CX3CR1: variants seen among roughly 807,000 people sequenced by gnomAD.
CX3CR1 encodes CX3C chemokine receptor 1.
For missense variants in CX3CR1, 363 were observed against 432.4 expected (o/e 0.84, Z 1.42); for synonymous variants, 168 against 178.5 (o/e 0.94, Z 0.47).
upstream of CX3CR1, among the ~76,000 whole-genome samples, chr3:39,282,360 C>T (rs961203877): frequency 2.7e-4 from 41 of 152,214 alleles, no homozygotes; most frequent in Non-Finnish European, 3.8e-4. Context: ...CTTAGATCCC[C>T]GTCTTCATCT....
rs140731700 is a variant in CX3CR1, at chr3:39,269,104, G to A, written c.-9-2586C>T. Among the ~76,000 whole-genome samples the A allele has an allele frequency of 4.0e-3, 615 of 151,970 alleles. 7 individuals carry two copies. The highest frequency in any genetic ancestry group is 0.014 in the African/African-American group (582 of 41,414). On this transcript the variant is annotated intron_variant, in intron 1 of 1. Coordinates refer to ENST00000399220, the MANE Select transcript of CX3CR1 (RefSeq NM_001337.4). ...TATTGAGCTTTTACTAAACTGTCAG[G>A]CTCATTGCTCTGTTTGGATTAATAT...
intron 1 of CX3CR1, among the ~76,000 whole-genome samples, chr3:39,273,563 T>C (rs937307322): frequency 6.6e-6 from 1 of 152,222 alleles, no homozygotes; most frequent in African/African-American, 2.4e-5. Flanking sequence ...ATGTATGAAA[T>C]TAAAGCATTG....
chr3:39,286,985 G>T, the CX3CR1 span: 6 of 152,320 alleles, frequency 3.9e-5, no homozygotes, highest in African/African-American at 1.4e-4. Context: ...AACTTAAACA[G>T]TATGAAATTG....
At chr3:39,284,746 A>G (rs2040933191), upstream of CX3CR1, among the ~76,000 whole-genome samples, 1 of 152,212 alleles carries the variant, frequency 6.6e-6, no homozygotes, top group African/African-American at 2.4e-5. Context: ...GGGAGAAAAG[A>G]GCAATGAGTC....
upstream of CX3CR1, among the ~76,000 whole-genome samples, chr3:39,283,028 A>T (rs375878188): frequency 1.5e-3 from 231 of 152,250 alleles, no homozygotes; most frequent in Non-Finnish European, 2.2e-3. Context: ...AGTAGCTGGA[A>T]CTACAGGCAC....
intron 1 of CX3CR1, among the ~76,000 whole-genome samples, chr3:39,270,583 C>A (rs55648049): frequency 0.011 from 1,692 of 152,280 alleles, 24 homozygotes; most frequent in African/African-American, 0.039. Context: ...AGGTGAGGTA[C>A]CATGTACATA....
chr3:39,291,902 C>T, the CX3CR1 span, among the ~76,000 whole-genome samples: 1 of 152,198 alleles, frequency 6.6e-6, no homozygotes. Context: ...CAGATGCCTT[C>T]GGGGTCTGCA....
chr3:39,280,966 T>A, upstream of CX3CR1: 1 of 442,740 alleles, frequency 2.3e-6, no homozygotes. Context: ...ACACCTTCAT[T>A]AAATGGTCTG....
chr3:39,278,074 G>A (rs2040858763), intron 1 of CX3CR1, among the ~76,000 whole-genome samples: 1 of 152,216 alleles, frequency 6.6e-6, no homozygotes, highest in South Asian at 2.1e-4. Flanking sequence ...ACCAAGTGCA[G>A]AGCCAGGACT....
upstream of CX3CR1, among the ~76,000 whole-genome samples, chr3:39,284,287 G>A (rs1429560885): frequency 2.0e-5 from 3 of 152,060 alleles, no homozygotes; most frequent in South Asian, 6.2e-4. Flanking sequence ...TCAGCTTCCC[G>A]AGTAGCTGGG....
At chr3:39,284,454 G>A (rs1369662129), upstream of CX3CR1, among the ~76,000 whole-genome samples, 1 of 152,142 alleles carries the variant, frequency 6.6e-6, no homozygotes, top group East Asian at 1.9e-4. Context: ...GAGCCACTGC[G>A]CCCAGACAAG....
the CX3CR1 span, chr3:39,286,806 C>G: frequency 6.6e-6 from 1 of 152,194 alleles, no homozygotes; most frequent in Non-Finnish European, 1.5e-5. Context: ...CTCAGCTACA[C>G]TTTTTCATCC....
chr3:39,276,708 T>C (rs2125555401), intron 1 of CX3CR1, among the ~76,000 whole-genome samples: 1 of 152,380 alleles, frequency 6.6e-6, no homozygotes, highest in East Asian at 1.9e-4. Context: ...TTTGTGCATG[T>C]ACATCTCCTA....
the CX3CR1 span, among the ~76,000 whole-genome samples, chr3:39,288,880 G>C: frequency 1.3e-5 from 2 of 152,176 alleles, no homozygotes; most frequent in Non-Finnish European, 2.9e-5. Context: ...TAAAATCAGG[G>C]CAGGCCGGGC....
the CX3CR1 span, among the ~76,000 whole-genome samples, chr3:39,288,728 C>G: frequency 6.6e-6 from 1 of 152,180 alleles, no homozygotes; most frequent in Non-Finnish European, 1.5e-5. Flanking sequence ...TCTGGCAAGC[C>G]TTTGGGTTAC....
upstream of CX3CR1, among the ~76,000 whole-genome samples, chr3:39,281,944 G>T (rs2040906236): frequency 6.6e-6 from 1 of 152,210 alleles, no homozygotes; most frequent in Admixed American, 6.5e-5. Flanking sequence ...AGTGTCAGTT[G>T]CCTTGCCCCC....
chr3:39,263,703 T>C lies in CX3CR1; in HGVS notation c.*1739A>G, dbSNP rs959227865. The C allele has an allele frequency of 6.6e-6, 1 of 152,228 alleles. No homozygotes were observed. Among genetic ancestry groups the C allele is most frequent in the African/African-American group, 2.4e-5 (1 of 41,456 alleles). The allele number at this position is 152,228 out of a possible 1,614,324, so 9.4% of individuals were successfully genotyped here. On this transcript the variant is annotated 3_prime_UTR_variant, in exon 2 of 2. Transcript: ENST00000399220. Reference sequence around the variant, plus strand: ...ATCTGACTTCAATGAATACACAGTCTGGTAGAGTCTTCTAAAATGATAATT... The same window carrying C: ...ATCTGACTTCAATGAATACACAGTCCGGTAGAGTCTTCTAAAATGATAATT...
the CX3CR1 span, among the ~76,000 whole-genome samples, chr3:39,292,627 G>A: frequency 5.0e-4 from 76 of 152,294 alleles, no homozygotes; most frequent in African/African-American, 1.7e-3. Flanking sequence ...TGCTAAGTAA[G>A]TGCCTTCTAT....
chr3:39,289,151 TA>T, the CX3CR1 span, among the ~76,000 whole-genome samples: 1,042 of 141,228 alleles, frequency 7.4e-3, 3 homozygotes, highest in Non-Finnish European at 0.01. Context: ...AGACTCCATC[TA>T]AAAAAAAAAA....
Sources: allele counts gnomAD v4.1 joint callset (sites outside exome capture counted in the v4.1 genomes callset), GRCh38; gene constraint gnomAD v4.1.1; transcripts MANE v1.5; gene names NCBI Gene and HGNC (gene_info 2026-07-23, HGNC 2026-07-21).